NMRK2: variants seen among roughly 807,000 people sequenced by gnomAD.
The protein encoded by NMRK2 is nicotinamide riboside kinase 2, also known as NRK 2.
In NMRK2, 34 loss-of-function variants were observed where a neutral mutation model predicts 24.7. The observed-to-expected ratio is 1.37, with a 90% CI of 1.05 to 1.83. The LOEUF is 1.83. Among genes scored for constraint, NMRK2 ranks in the 40% most tolerant of loss-of-function variants. The pLI, the probability that NMRK2 is intolerant of heterozygous loss-of-function variation, is 0.00. For synonymous variants in NMRK2, 145 were observed against 125.6 expected (o/e 1.15, Z -1.03); for missense variants, 341 against 315.0 (o/e 1.08, Z -0.62).
intron 2 of NMRK2, among the ~76,000 whole-genome samples, chr19:3,936,210 C>T (rs750986736): frequency 4.8e-5 from 7 of 144,716 alleles, no homozygotes; most frequent in South Asian, 4.4e-4. Flanking sequence ...AACTCCGTCT[C>T]GGAAAAAAAA....
intron 6 of NMRK2, among the ~76,000 whole-genome samples, chr19:3,940,513 A>G (rs1170080899): frequency 1.3e-5 from 2 of 151,328 alleles, no homozygotes; most frequent in Non-Finnish European, 2.9e-5. Flanking sequence ...AGATGGGCGG[A>G]TCACCTGAGG....
Position 3,939,884 on chromosome 19 carries a change from C to G in NMRK2, c.324-16C>G. ...AAGCTCACAGGTGCTGACCGTGTCT[C>G]CCCCACTCCGCCCAGGCCCCTGGTG... On this transcript the variant is annotated splice_polypyrimidine_tract_variant and intron_variant, in intron 5 of 7. Transcript: ENST00000168977. 6.2e-7 allele frequency: 1 copy of G among 1,610,232 alleles called. No homozygotes were observed. Among genetic ancestry groups the G allele is most frequent in the Non-Finnish European group, 8.5e-7 (1 of 1,176,760 alleles).
At chr19:3,940,966 G>A in intron 6 of NMRK2, 105 bp from the exon 7 acceptor site, 1 of 706,058 alleles carries the variant, frequency 1.4e-6, no homozygotes, top group Non-Finnish European at 2.4e-6. Flanking sequence ...CCCTTGCTCA[G>A]AGGTTCTGTC....
At chr19:3,936,878 C>T (rs891246823) in intron 3 of NMRK2, among the ~76,000 whole-genome samples, 2 of 152,154 alleles carry the variant, frequency 1.3e-5, no homozygotes, top group Admixed American at 6.5e-5. Flanking sequence ...CTATTTCATA[C>T]GCAGCCCATT....
chr19:3,936,069 G>A (rs1316628195), intron 2 of NMRK2, among the ~76,000 whole-genome samples: 1 of 152,068 alleles, frequency 6.6e-6, no homozygotes, highest in Non-Finnish European at 1.5e-5. Context: ...AAATTAGTTG[G>A]GTGTGGTGGC....
At chr19:3,935,266 T>A (rs2039194349) in intron 2 of NMRK2, among the ~76,000 whole-genome samples, 1 of 149,824 alleles carries the variant, frequency 6.7e-6, no homozygotes, top group Non-Finnish European at 1.5e-5. Flanking sequence ...TTTTTTTTTT[T>A]TTTTTTTGAG....
chr19:3,940,198 T>G (rs2039306238), intron 6 of NMRK2, among the ~76,000 whole-genome samples: 1 of 144,774 alleles, frequency 6.9e-6, no homozygotes, highest in Non-Finnish European at 1.5e-5. Context: ...AATACAAAAA[T>G]TAGTCGGGCG....
intron 7 of NMRK2, among the ~76,000 whole-genome samples, 162 bp from the exon 8 acceptor site, chr19:3,941,921 G>A (rs2039339682): frequency 6.6e-6 from 1 of 152,144 alleles, no homozygotes; most frequent in Admixed American, 6.6e-5. Flanking sequence ...GATTACAGGT[G>A]TGAGCCACCG....
chr19:3,935,087 G>A (rs939012791), intron 2 of NMRK2, among the ~76,000 whole-genome samples: 2 of 151,612 alleles, frequency 1.3e-5, no homozygotes, highest in Non-Finnish European at 2.9e-5. Context: ...GTCTCACTAT[G>A]TTGCCTAGGC....
chr19:3,937,158 G>T, intron 3 of NMRK2, 82 bp from the exon 4 acceptor site: 2 of 1,402,078 alleles, frequency 1.4e-6, no homozygotes, highest in East Asian at 2.3e-5. Context: ...TCCAGCAAGG[G>T]ACCCCCTAAG....
Position 3,933,761 on chromosome 19 carries a change from G to A in NMRK2, c.26+64G>A, listed in dbSNP as rs1278460496. On this transcript the variant is annotated intron_variant, in intron 2 of 7. Transcript: ENST00000168977. ...AAAGCCCCCTGTGCGCGCAGAGGGG[G>A]AGGCCCGGGAATGAATGGAGGGATG... The A allele has an allele frequency of 1.3e-5, 17 of 1,356,494 alleles. No homozygotes were observed. The East Asian group carries it at 4.6e-4, about 37-fold the overall frequency. The allele number at this position is 1,356,494 out of a possible 1,614,324, so 84.0% of individuals were successfully genotyped here.
rs1452590823 is a variant in NMRK2, at chr19:3,936,581, C to A, written c.33C>A (p.Thr11=). Residue 11 remains threonine, a synonymous_variant, in exon 3 of 8, where the codon ACC becomes ACA. Coordinates refer to ENST00000168977, the MANE Select transcript of NMRK2 (RefSeq NM_170678.3). ...GCACACGCTGTCTCCCCAGCATGAC[C>A]AACGGCGGCAAGACCACGCTGACCA... MKLIVGIGGM[T]NGGKTTLTNS... 4 of 1,555,688 alleles carry A rather than the reference C, an allele frequency of 2.6e-6. No individual in the cohort carries two copies. The highest frequency in any genetic ancestry group is 3.5e-6 in the Non-Finnish European group (4 of 1,152,158).
In NMRK2 at chr19:3,936,481, C is replaced by T. The variant is rs186619448; in HGVS notation, c.27-94C>T. Reference sequence around the variant, plus strand: ...AAGACCCTGAGACATGGACAGGCCCCGGGGAGCCCAGGCTGCACCTCAGGC... The same window carrying T: ...AAGACCCTGAGACATGGACAGGCCCTGGGGAGCCCAGGCTGCACCTCAGGC... On this transcript the variant is annotated intron_variant, in intron 2 of 7. Transcript: ENST00000168977. The T allele has an allele frequency of 8.7e-4, 676 of 778,404 alleles. 1 individual carries two copies. The highest frequency in any genetic ancestry group is 1.1e-3 in the Non-Finnish European group (571 of 497,948). 48.2% of individuals were successfully genotyped at this position (778,404 alleles called of 1,614,324 possible). A position where few individuals can be genotyped will look rare whatever the true frequency, so the allele number is the denominator to read the frequency against.
chr19:3,934,192 G>A (rs1043546053), intron 2 of NMRK2, among the ~76,000 whole-genome samples: 1 of 152,144 alleles, frequency 6.6e-6, no homozygotes, highest in Non-Finnish European at 1.5e-5. Flanking sequence ...AGGTTGCAGT[G>A]AGTGCGATCA....
At chr19:3,941,249 CTTT>C (rs34077521) in intron 7 of NMRK2, 72 bp downstream of exon 7, 6,012 of 271,404 alleles carry the variant, frequency 0.022, no homozygotes, top group South Asian at 0.038. Flanking sequence ...CCCTCTCCAT[CTTT>C]TTTTTTTTTT....
chr19:3,939,800 C>A, intron 5 of NMRK2, 100 bp from the exon 6 acceptor site: 1 of 1,050,024 alleles, frequency 9.5e-7, no homozygotes, highest in Non-Finnish European at 1.4e-6. Context: ...ACCCCATGTG[C>A]TCGCCACCCT....
chr19:3,936,184 C>T (rs2039209472), intron 2 of NMRK2, among the ~76,000 whole-genome samples: 1 of 105,388 alleles, frequency 9.5e-6, no homozygotes, highest in South Asian at 3.5e-4. Flanking sequence ...GTACTCCAGC[C>T]TGGGCAACAG....
chr19:3,936,746 T>A, intron 3 of NMRK2, 81 bp downstream of exon 3: 1 of 1,176,514 alleles, frequency 8.5e-7, no homozygotes, highest in Non-Finnish European at 1.2e-6. Flanking sequence ...CGCCCTCCAC[T>A]GCCCAGTGCC....
At chr19:3,939,877 C>T (rs113983965) in intron 5 of NMRK2, 23 bp from the exon 6 acceptor site, 42,379 of 1,604,436 alleles carry the variant, frequency 0.026, 942 homozygotes, top group Non-Finnish European at 0.03. Flanking sequence ...AGGTGCTGAC[C>T]GTGTCTCCCC....
Sources: allele counts gnomAD v4.1 joint callset (sites outside exome capture counted in the v4.1 genomes callset), GRCh38; gene constraint gnomAD v4.1.1; transcripts MANE v1.5; gene names NCBI Gene and HGNC (gene_info 2026-07-23, HGNC 2026-07-21).